Variants in ARRB1 observed in about 807,000 individuals in gnomAD.
The protein encoded by ARRB1 is beta-arrestin-1.
Under a neutral mutation model 56.8 loss-of-function variants are expected in ARRB1, and 21 were observed. The ratio of observed to expected loss-of-function variants is 0.37; its 90% CI spans 0.26 to 0.53. ARRB1 has a LOEUF of 0.53. ARRB1 is among the 20% of genes least tolerant of loss of function. The pLI, the probability that ARRB1 is intolerant of heterozygous loss-of-function variation, is 0.88. For synonymous variants in ARRB1, 210 were observed against 218.6 expected, an observed-to-expected ratio of 0.96 and a Z score of 0.35; for missense variants, 424 against 553.7, an observed-to-expected ratio of 0.77 and a Z score of 2.35.
At chr11:75,289,927 A>G in intron 2 of ARRB1, 82 bp downstream of exon 2, 6 of 1,598,970 alleles carry the variant, frequency 3.8e-6, no homozygotes, top group East Asian at 2.2e-5. Context: ...TTCAGGGGAC[A>G]TGCCGTTTCC....
chr11:75,351,435 G>T (rs1015906386), intron 1 of ARRB1, among the ~76,000 whole-genome samples, 153 bp downstream of exon 1: 4 of 152,116 alleles, frequency 2.6e-5, no homozygotes, highest in Admixed American at 6.5e-5. Context: ...CCCTGCCGGG[G>T]AGACCACACA....
At chr11:75,333,567 T>A (rs893092108) in intron 1 of ARRB1, among the ~76,000 whole-genome samples, 1 of 152,186 alleles carries the variant, frequency 6.6e-6, no homozygotes, top group Non-Finnish European at 1.5e-5. Flanking sequence ...TCAGCATGTA[T>A]TGAGCACCTA....
rs574408251 is a variant in ARRB1, at chr11:75,351,528, C to T, written c.20+60G>A. ...ACCAGGACGCAATCGGAGCCCCCGC[C>T]CGTGTCCTCGCCGAGGTCGCCCCCA... On this transcript the variant is annotated intron_variant, in intron 1 of 15. Transcript: ENST00000420843. The T allele has an allele frequency of 3.3e-5, 49 of 1,497,672 alleles. No homozygotes were observed. The East Asian group carries it at 1.1e-3, about 34-fold the overall frequency. 92.8% of individuals were successfully genotyped at this position (1,497,672 alleles called of 1,614,324 possible).
intron 1 of ARRB1, among the ~76,000 whole-genome samples, chr11:75,297,564 C>A (rs1431448150): frequency 6.6e-6 from 1 of 151,918 alleles, no homozygotes; most frequent in Non-Finnish European, 1.5e-5. Flanking sequence ...ACATCACGTA[C>A]AAAAATTAAC....
chr11:75,274,285 G>A, intron 10 of ARRB1, 74 bp from the exon 11 acceptor site: 1 of 1,577,400 alleles, frequency 6.3e-7, no homozygotes, highest in Non-Finnish European at 8.6e-7. Flanking sequence ...CAGCCCAGCA[G>A]AATATCTAGT....
At chr11:75,322,155 A>C (rs1225069446) in intron 1 of ARRB1, among the ~76,000 whole-genome samples, 1 of 152,236 alleles carries the variant, frequency 6.6e-6, no homozygotes, top group East Asian at 1.9e-4. Context: ...CCGGGCTAAG[A>C]GTTGAAGAAG....
At position 75,263,269 on chromosome 11, in the gene ARRB1, G is replaced by A. The variant is rs974577797; in HGVS notation, c.*2894C>T. Among the ~76,000 whole-genome samples, 18 of 152,224 alleles carry A rather than the reference G, an allele frequency of 1.2e-4. No homozygotes were observed. The highest frequency in any genetic ancestry group is 4.1e-4 in the African/African-American group (17 of 41,462). On this transcript the variant is annotated 3_prime_UTR_variant, in exon 16 of 16. Coordinates refer to ENST00000420843, the MANE Select transcript of ARRB1 (RefSeq NM_004041.5). ...CTGGCTCGGCCATGTTTGGGGGCTG[G>A]GAGGTGGTGCCTGGAGTTGACCAGA...
At chr11:75,327,761 G>A (rs1041433461) in intron 1 of ARRB1, among the ~76,000 whole-genome samples, 2 of 151,896 alleles carry the variant, frequency 1.3e-5, no homozygotes, top group Non-Finnish European at 2.9e-5. Context: ...ACTAATTGTT[G>A]TAATTTTAGT....
intron 1 of ARRB1, among the ~76,000 whole-genome samples, chr11:75,313,781 G>A (rs962727595): frequency 6.6e-6 from 1 of 152,156 alleles, no homozygotes; most frequent in African/African-American, 2.4e-5. Flanking sequence ...TTGGTCCCCC[G>A]GGTTAGTGAC....
rs745537247 is a variant in ARRB1, at chr11:75,333,270, T to C, written c.20+18318A>G. Among the ~76,000 whole-genome samples the C allele has an allele frequency of 2.6e-5, 4 of 152,384 alleles. No homozygotes were observed. The South Asian group carries it at 8.3e-4, about 32-fold the overall frequency. On this transcript the variant is annotated intron_variant, in intron 1 of 15. Transcript: ENST00000420843. ...CAGTTGTGGGTGGCCATTCAAGCTC[T>C]GCAGGGCAGAAACCATACAGTAAGT...
At chr11:75,299,180 A>G (rs890442716) in intron 1 of ARRB1, among the ~76,000 whole-genome samples, 3 of 151,836 alleles carry the variant, frequency 2.0e-5, no homozygotes, top group Non-Finnish European at 4.4e-5. Flanking sequence ...GAATATATAC[A>G]AAAACCACTG....
In ARRB1 at chr11:75,282,130, G is replaced by C. The variant is rs931821627; in HGVS notation, c.355-109C>G. 5 of 1,127,044 alleles carry C rather than the reference G, an allele frequency of 4.4e-6. No individual in the cohort carries two copies. In the African/African-American group the frequency reaches 7.7e-5, roughly 17 times the overall value. 69.8% of individuals were successfully genotyped at this position (1,127,044 alleles called of 1,614,324 possible). Reference sequence around the variant, plus strand: ...ACCCATCAGACCAAGGGCCCCAGGGGACAGGCCATGTCTATCCCATCAGAC... The same window carrying C: ...ACCCATCAGACCAAGGGCCCCAGGGCACAGGCCATGTCTATCCCATCAGAC... On this transcript the variant is annotated intron_variant, in intron 5 of 15. Transcript: ENST00000420843.
At chr11:75,334,931 T>G (rs1486201089) in intron 1 of ARRB1, among the ~76,000 whole-genome samples, 3 of 17,476 alleles carry the variant, frequency 1.7e-4, no homozygotes, top group African/African-American at 2.2e-3. Flanking sequence ...CTTGGAAGGT[T>G]TTTTTTTTGT....
intron 1 of ARRB1, among the ~76,000 whole-genome samples, chr11:75,348,756 C>T (rs550137381): frequency 3.3e-4 from 50 of 152,236 alleles, no homozygotes; most frequent in African/African-American, 1.1e-3. Context: ...TGCCACCACA[C>T]TCAGCTAATT....
intron 1 of ARRB1, among the ~76,000 whole-genome samples, chr11:75,321,917 C>T (rs1947354366): frequency 1.3e-5 from 2 of 152,240 alleles, no homozygotes; most frequent in Non-Finnish European, 2.9e-5. Context: ...AACTGCAGGG[C>T]TCTGCACTAC....
intron 13 of ARRB1, among the ~76,000 whole-genome samples, chr11:75,269,607 G>A (rs1426154924): frequency 6.6e-6 from 1 of 152,188 alleles, no homozygotes; most frequent in Non-Finnish European, 1.5e-5. Flanking sequence ...TCTGTACTTG[G>A]CCCTGATGGA....
rs1447445269 is a variant in ARRB1, at chr11:75,283,369, G to T, written c.272C>A (p.Pro91His). Residue 91 changes from proline (P) to histidine (H), a missense_variant, in exon 5 of 16, where the codon CCC (proline) becomes CAC (histidine). Pro to His is a moderately conservative substitution (Grantham distance 77). Transcript: ENST00000420843. ...VANVQSFPPA[P>H]EDKKPLTRLQ... The stretch of plus-strand genomic sequence containing the variant: ...CCGCGTCAGGGGCTTCTTGTCCTCG[G>T]GGGCCGGTGGGAACGACTGTACGTT... 2.5e-6 allele frequency: 4 copies of T among 1,614,062 alleles called. No homozygotes were observed. Among genetic ancestry groups the T allele is most frequent in the Non-Finnish European group, 3.4e-6 (4 of 1,180,010 alleles).
At chr11:75,326,913 C>T (rs1001248979) in intron 1 of ARRB1, among the ~76,000 whole-genome samples, 8 of 151,826 alleles carry the variant, frequency 5.3e-5, no homozygotes, top group African/African-American at 1.9e-4. Flanking sequence ...TGCCATGTTG[C>T]CCAGGCTCAT....
chr11:75,286,255 CTTTTTTTTTTTTTT>C lies in ARRB1; in HGVS notation c.112+1046_112+1059del, dbSNP rs60988072. On this transcript the variant is annotated intron_variant, in intron 3 of 15. Transcript: ENST00000420843. ...CTAGGCCTCACTTTGATTTGCTCAT[CTTTTTTTTTTTTTT>C]TTTTTTTTTTTTTTTTCTGAGCCAG... Among the ~76,000 whole-genome samples the C allele has an allele frequency of 4.7e-4, 18 of 38,676 alleles. 1 individual carries two copies. The highest frequency in any genetic ancestry group is 3.0e-3 in the East Asian group (3 of 998). 25.4% of individuals were successfully genotyped at this position (38,676 alleles called of 152,430 possible). A position where few individuals can be genotyped will look rare whatever the true frequency, so the allele number is the denominator to read the frequency against.
Sources: allele counts gnomAD v4.1 joint callset (sites outside exome capture counted in the v4.1 genomes callset), GRCh38; gene constraint gnomAD v4.1.1; transcripts MANE v1.5; gene names NCBI Gene and HGNC (gene_info 2026-07-23, HGNC 2026-07-21).